The following RORA variants were observed in gnomAD, a reference collection of about 807,000 sequenced individuals.
RORA encodes RAR related orphan receptor A.
RORA carries 7 observed loss-of-function variants against 69.5 expected under a neutral mutation model. That is an observed-to-expected ratio of 0.10 (90% confidence interval 0.06 to 0.19). The LOEUF (loss-of-function observed/expected upper bound fraction) is 0.19. Among genes scored for constraint, RORA ranks in the 10% least tolerant of loss-of-function variants. RORA has a pLI of 1.00. For synonymous variants in RORA, 261 were observed against 240.8 expected, an observed-to-expected ratio of 1.08 and a Z score of -0.78; for missense variants, 457 against 663.0, an observed-to-expected ratio of 0.69 and a Z score of 3.41.
rs34707279 is a variant in RORA, at chr15:60,517,110, CT to C, written c.283-2354del. Among the ~76,000 whole-genome samples, 1,119 of 141,260 alleles carry C rather than the reference CT, an allele frequency of 7.9e-3. 23 individuals carry two copies. The highest frequency in any genetic ancestry group is 0.018 in the Middle Eastern group (5 of 276). 92.7% of individuals were successfully genotyped at this position (141,260 alleles called of 152,430 possible). On this transcript the variant is annotated intron_variant, in intron 3 of 10. Coordinates refer to ENST00000335670, the MANE Select transcript of RORA (RefSeq NM_134261.3). ...TTATTTTTCTTTTTGTTCATCTGTGCTTTTTTTTTTTTTCCCCCCTACAATA... is the reference window on the plus strand; with the variant it reads ...TTATTTTTCTTTTTGTTCATCTGTGCTTTTTTTTTTTTCCCCCCTACAATA...
chr15:61,104,376 C>G (rs1312973494), intron 1 of RORA, among the ~76,000 whole-genome samples: 4 of 152,158 alleles, frequency 2.6e-5, no homozygotes, highest in African/African-American at 9.7e-5. Flanking sequence ...TTAACCTTTC[C>G]AGGTTGTGTC....
chr15:60,911,610 G>T (rs1318512103), intron 1 of RORA, among the ~76,000 whole-genome samples: 1 of 151,982 alleles, frequency 6.6e-6, no homozygotes, highest in Non-Finnish European at 1.5e-5. Flanking sequence ...AAAAGCCAAG[G>T]ACGCATTCTT....
At chr15:61,125,297 G>C (rs1453569206) in intron 1 of RORA, among the ~76,000 whole-genome samples, 1 of 152,156 alleles carries the variant, frequency 6.6e-6, no homozygotes, top group East Asian at 1.9e-4. Flanking sequence ...GGAATCTTAT[G>C]GTGTTTGGGT....
chr15:60,542,585 TCACACA>T (rs757111557), intron 2 of RORA, among the ~76,000 whole-genome samples: 1 of 94,326 alleles, frequency 1.1e-5, no homozygotes, highest in African/African-American at 8.0e-5. Context: ...CATGCACACC[TCACACA>T]CACGGCACGC....
At chr15:60,871,752 A>G (rs1402936309) in intron 1 of RORA, among the ~76,000 whole-genome samples, 1 of 152,240 alleles carries the variant, frequency 6.6e-6, no homozygotes, top group Non-Finnish European at 1.5e-5. Flanking sequence ...GCATAATTAA[A>G]AACTTTAAGG....
At position 60,905,518 on chromosome 15, in the gene RORA, T is replaced by C. The variant is rs992920713; in HGVS notation, c.167-226832A>G. Among the ~76,000 whole-genome samples the C allele has an allele frequency of 6.6e-6, 1 of 152,242 alleles. No homozygotes were observed. On this transcript the variant is annotated intron_variant, in intron 1 of 10. Coordinates refer to ENST00000335670, the MANE Select transcript of RORA (RefSeq NM_134261.3). This position sits in a 1 kb window ranked among gnomAD's most constrained non-coding sequence, Gnocchi z 4.8. ...TTAATTAAGACACGAGTGTCATTGC[T>C]GAGCTCTTTTGTGTTTCATAGAAAG...
Position 60,515,799 on chromosome 15 carries a change from G to A in RORA, c.283-1042C>T, listed in dbSNP as rs543234171. ...CTCTGTCACCCAGGCCAGACTCCTC[G>A]GCTCAAGCCATCCTCCTGCCTCAGC... is the stretch of plus-strand genomic sequence containing the variant. On this transcript the variant is annotated intron_variant, in intron 3 of 10. Transcript: ENST00000335670. Among the ~76,000 whole-genome samples the A allele has an allele frequency of 4.8e-5, 7 of 145,908 alleles. No homozygotes were observed. In the South Asian group the frequency reaches 6.3e-4, roughly 13 times the overall value.
intron 2 of RORA, among the ~76,000 whole-genome samples, chr15:60,617,123 A>T (rs1217013691): frequency 1.3e-5 from 2 of 152,162 alleles, no homozygotes; most frequent in East Asian, 3.9e-4. Context: ...GGGTGATATG[A>T]TGATATGTAT....
intron 1 of RORA, among the ~76,000 whole-genome samples, chr15:61,190,329 T>C (rs2140914210): frequency 6.6e-6 from 1 of 152,298 alleles, no homozygotes; most frequent in South Asian, 2.1e-4. Flanking sequence ...AAATTGATTG[T>C]TTTACACGGT....
At chr15:60,964,855 G>T (rs1893508937) in intron 1 of RORA, among the ~76,000 whole-genome samples, 1 of 152,228 alleles carries the variant, frequency 6.6e-6, no homozygotes, top group Admixed American at 6.5e-5. Flanking sequence ...GATGGCTTCA[G>T]AAGCATATGC....
Position 60,511,689 on chromosome 15 carries a change from T to C in RORA, c.425-68A>G, listed in dbSNP as rs1008810410. ...TCTTCAATATTCTCTCCTGCGAGCT[T>C]TGGGGTTTCCTTTGAAGTCTCACAC... On this transcript the variant is annotated intron_variant, in intron 4 of 10. Coordinates refer to ENST00000335670, the MANE Select transcript of RORA (RefSeq NM_134261.3). The surrounding 1 kb of genome is among the most constrained non-coding windows in gnomAD (Gnocchi z 6.4). 2.7e-6 allele frequency: 4 copies of C among 1,479,980 alleles called. No homozygotes were observed. The highest frequency in any genetic ancestry group is 2.8e-5 in the African/African-American group (2 of 70,686). 91.7% of individuals were successfully genotyped at this position (1,479,980 alleles called of 1,614,324 possible).
chr15:60,743,312 G>A (rs2071602702), intron 1 of RORA, among the ~76,000 whole-genome samples: 1 of 152,184 alleles, frequency 6.6e-6, no homozygotes, highest in South Asian at 2.1e-4. Context: ...ACCGCACCCG[G>A]CTGTAAATGC....
chr15:60,985,681 T>A (rs900466042), intron 1 of RORA, among the ~76,000 whole-genome samples: 3 of 144,550 alleles, frequency 2.1e-5, no homozygotes, highest in African/African-American at 7.8e-5. Flanking sequence ...GGCTTCCGGG[T>A]TCAAGCAATT....
intron 1 of RORA, among the ~76,000 whole-genome samples, chr15:60,690,402 G>T (rs953359291): frequency 6.6e-6 from 1 of 152,174 alleles, no homozygotes; most frequent in Non-Finnish European, 1.5e-5. Context: ...ACTTGCATAA[G>T]GCCATGACCC....
rs532602672 is a variant in RORA at position 61,112,487 on chromosome 15, C to T, written c.166+116566G>A. Among the ~76,000 whole-genome samples, 23 of 151,828 alleles carry T rather than the reference C, an allele frequency of 1.5e-4. 1 individual carries two copies. Among genetic ancestry groups the T allele is most frequent in the Non-Finnish European group, 2.9e-4 (20 of 67,992 alleles). On this transcript the variant is annotated intron_variant, in intron 1 of 10. Coordinates refer to ENST00000335670, the MANE Select transcript of RORA (RefSeq NM_134261.3). ...TGAGCAAAGCCTAACAGGATGGGGACGGTTTGGAGGCAAAGACAGGAGAAA... is the reference window on the plus strand; with the variant it reads ...TGAGCAAAGCCTAACAGGATGGGGATGGTTTGGAGGCAAAGACAGGAGAAA...
At chr15:61,080,619 G>A (rs1299423086) in intron 1 of RORA, among the ~76,000 whole-genome samples, 1 of 152,142 alleles carries the variant, frequency 6.6e-6, no homozygotes, top group African/African-American at 2.4e-5. Context: ...AGATAAGAAG[G>A]AGGAATGGCT....
At chr15:60,956,768 GA>G (rs1326044803) in intron 1 of RORA, among the ~76,000 whole-genome samples, 1 of 152,150 alleles carries the variant, frequency 6.6e-6, no homozygotes, top group Non-Finnish European at 1.5e-5. Flanking sequence ...TCTGTCCTCA[GA>G]AAAGTATCTT....
chr15:60,556,988 A>G (rs1388377168), intron 2 of RORA: 2 of 1,381,608 alleles, frequency 1.4e-6, no homozygotes, highest in South Asian at 1.2e-5. Context: ...CAGAGCATGT[A>G]TTTATGCATA....
chr15:60,591,019 G>C (rs1336022321), intron 2 of RORA, among the ~76,000 whole-genome samples: 1 of 152,168 alleles, frequency 6.6e-6, no homozygotes, highest in African/African-American at 2.4e-5. Context: ...GGCAAAGCTC[G>C]GTGATCCGAA....
Sources: allele counts gnomAD v4.1 joint callset (sites outside exome capture counted in the v4.1 genomes callset), GRCh38; gene constraint gnomAD v4.1.1; non-coding constraint Gnocchi (gnomAD v3.1); transcripts MANE v1.5; gene names NCBI Gene and HGNC (gene_info 2026-07-23, HGNC 2026-07-21).